Variants in SPATA17 observed in about 807,000 individuals in gnomAD.
SPATA17 encodes spermatogenesis-associated protein 17.
A neutral mutation model predicts 62.2 loss-of-function variants in SPATA17; 53 were observed. The observed-to-expected ratio is 0.85, with a 90% CI of 0.68 to 1.07. The LOEUF (loss-of-function observed/expected upper bound fraction) is 1.07. SPATA17 is among the 50% of genes least tolerant of loss of function. SPATA17 has a pLI of 0.00. For synonymous variants in SPATA17, 146 were observed against 146.8 expected (o/e 0.99, Z 0.04); for missense variants, 466 against 425.5 (o/e 1.10, Z -0.84).
intron 9 of SPATA17, among the ~76,000 whole-genome samples, chr1:217,834,814 T>A (rs1356676354): frequency 6.6e-6 from 1 of 152,190 alleles, no homozygotes; most frequent in Non-Finnish European, 1.5e-5. Flanking sequence ...GTTAACGTCC[T>A]AGGCCTTCAC....
At chr1:217,840,249 T>G (rs894694420) in intron 9 of SPATA17, among the ~76,000 whole-genome samples, 2 of 152,142 alleles carry the variant, frequency 1.3e-5, no homozygotes, top group Non-Finnish European at 2.9e-5. Flanking sequence ...GCTGTTTCCT[T>G]TGGAGTCAGG....
intron 4 of SPATA17, among the ~76,000 whole-genome samples, chr1:217,672,143 C>A (rs1270110539): frequency 6.6e-6 from 1 of 152,122 alleles, no homozygotes; most frequent in Non-Finnish European, 1.5e-5. Context: ...GCCAAAGAGA[C>A]CAGTGTGTGG....
chr1:217,743,914 T>C (rs1284855408), intron 6 of SPATA17, among the ~76,000 whole-genome samples: 1 of 152,082 alleles, frequency 6.6e-6, no homozygotes, highest in African/African-American at 2.4e-5. Context: ...TGGCCTAAAA[T>C]AGTGAAATCA....
In SPATA17 at chr1:217,654,866, C is replaced by T. The variant is rs1670403510; in HGVS notation, c.240+3688C>T. ...TAGCTGGGACTACAGGCACGTGCCA[C>T]CACGCCCGGCTAATTTTTGTATTTT... On this transcript the variant is annotated intron_variant, in intron 3 of 10. Transcript: ENST00000366933. Among the ~76,000 whole-genome samples the T allele has an allele frequency of 4.6e-5, 7 of 151,982 alleles. No homozygotes were observed. The South Asian group carries it at 1.5e-3, about 32-fold the overall frequency.
intron 7 of SPATA17, among the ~76,000 whole-genome samples, chr1:217,779,838 T>C (rs1558047681): frequency 6.6e-6 from 1 of 152,152 alleles, no homozygotes; most frequent in Non-Finnish European, 1.5e-5. Context: ...AGGACAATTT[T>C]ATGGTTTTAA....
Position 217,774,350 on chromosome 1 carries a change from A to G in SPATA17, c.536A>G (p.Asn179Ser), listed in dbSNP as rs774693864. 6 of 1,613,880 alleles carry G rather than the reference A, an allele frequency of 3.7e-6. No individual in the cohort carries two copies. The South Asian group carries it at 6.6e-5, about 18-fold the overall frequency. ...LSTKQIPGIYNSPFRKEPDPW... is the reference protein window; with the variant it reads ...LSTKQIPGIYSSPFRKEPDPW... ...CTTCTTTAGATTCCAGGAATATACA[A>G]TTCACCCTTCAGAAAAGAGCCTGAT... The change falls in exon 7 of 11, where the codon AAT becomes AGT. Residue 179 changes from asparagine (N) to serine (S), a missense_variant. Coordinates refer to ENST00000366933, the MANE Select transcript of SPATA17 (RefSeq NM_138796.4).
chr1:217,637,459 T>A (rs745595693), intron 1 of SPATA17, among the ~76,000 whole-genome samples: 2 of 152,140 alleles, frequency 1.3e-5, no homozygotes, highest in Non-Finnish European at 2.9e-5. Flanking sequence ...AAAGCAGGGG[T>A]ACATTACTCT....
rs1000818744 is a variant in SPATA17 at position 217,871,584 on chromosome 1, T to G, written c.*4565T>G. The G allele has an allele frequency of 1.3e-5, 2 of 152,188 alleles. No homozygotes were observed. The highest frequency in any genetic ancestry group is 2.9e-5 in the Non-Finnish European group (2 of 68,030). 9.4% of individuals were successfully genotyped at this position (152,188 alleles called of 1,614,324 possible). On this transcript the variant is annotated 3_prime_UTR_variant, in exon 11 of 11. Transcript: ENST00000366933. The stretch of plus-strand genomic sequence containing the variant: ...AGTTACAGATTTTAATAAACCACTG[T>G]GCAAAGCATTAGGATAAATTTTTAT...
chr1:217,675,065 T>G lies in SPATA17; in HGVS notation c.291+5982T>G, dbSNP rs141806657. On this transcript the variant is annotated intron_variant, in intron 4 of 10. Coordinates refer to ENST00000366933, the MANE Select transcript of SPATA17 (RefSeq NM_138796.4). ...TCTGGTCTTTCAGCCCTCCAGCTGT[T>G]TTTGGCTTGAAGGTGGGGTTTCACT... Among the ~76,000 whole-genome samples, 53 of 152,278 alleles carry G rather than the reference T, an allele frequency of 3.5e-4. 1 individual carries two copies. In the East Asian group the frequency reaches 9.9e-3, roughly 28 times the overall value.
At position 217,794,570 on chromosome 1, in the gene SPATA17, T is replaced by C. The variant is rs547339001; in HGVS notation, c.873-7148T>C. On this transcript the variant is annotated intron_variant, in intron 8 of 10. Coordinates refer to ENST00000366933, the MANE Select transcript of SPATA17 (RefSeq NM_138796.4). ...CACAATATTCTAAAAATTAGATAAA[T>C]TGAAAAGTAATTAAAAATGGCAATT... Among the ~76,000 whole-genome samples the C allele has an allele frequency of 2.0e-4, 30 of 152,284 alleles. 1 individual carries two copies. In the South Asian group the frequency reaches 4.1e-3, roughly 21 times the overall value.
chr1:217,789,342 A>G (rs1389016279), intron 8 of SPATA17, among the ~76,000 whole-genome samples: 1 of 152,164 alleles, frequency 6.6e-6, no homozygotes, highest in Non-Finnish European at 1.5e-5. Flanking sequence ...TTTCTCTCAA[A>G]TTTGCAACCT....
At chr1:217,782,002 G>A (rs1290935089) in intron 7 of SPATA17, 172 bp from the exon 8 acceptor site, 4 of 508,970 alleles carry the variant, frequency 7.9e-6, no homozygotes, top group East Asian at 3.6e-5. Flanking sequence ...AACATTGCTT[G>A]AAAATAAGTG....
At chr1:217,828,007 G>T (rs1237959360) in intron 9 of SPATA17, among the ~76,000 whole-genome samples, 1 of 152,054 alleles carries the variant, frequency 6.6e-6, no homozygotes, top group Non-Finnish European at 1.5e-5. Context: ...TAACAAATGT[G>T]CACATTTGGC....
intron 1 of SPATA17, among the ~76,000 whole-genome samples, chr1:217,643,791 C>G (rs12062364): frequency 2.6e-5 from 4 of 151,426 alleles, no homozygotes; most frequent in Non-Finnish European, 4.4e-5. Context: ...TGCAATGGCA[C>G]GACCTCAGCT....
At chr1:217,865,432 A>T (rs1675989331) in intron 10 of SPATA17, among the ~76,000 whole-genome samples, 1 of 152,188 alleles carries the variant, frequency 6.6e-6, no homozygotes, top group South Asian at 2.1e-4. Flanking sequence ...ATGCTCTAAG[A>T]TTTAAACCAC....
At chr1:217,643,665 A>T (rs890720827) in intron 1 of SPATA17, among the ~76,000 whole-genome samples, 4 of 151,806 alleles carry the variant, frequency 2.6e-5, no homozygotes, top group African/African-American at 7.3e-5. Context: ...TCAGGAAATG[A>T]GGTAAAGAGA....
At chr1:217,712,809 T>G (rs1045257948) in intron 5 of SPATA17, among the ~76,000 whole-genome samples, 4 of 152,092 alleles carry the variant, frequency 2.6e-5, no homozygotes, top group Non-Finnish European at 5.9e-5. Flanking sequence ...TACAGAGGGC[T>G]CAGCAGGGGA....
intron 5 of SPATA17, among the ~76,000 whole-genome samples, chr1:217,684,396 C>A (rs556456672): frequency 4.7e-4 from 72 of 152,114 alleles, no homozygotes; most frequent in African/African-American, 1.7e-3. Context: ...CTACATATAT[C>A]ATATATCATC....
chr1:217,736,857 G>C (rs1672518905), intron 5 of SPATA17, among the ~76,000 whole-genome samples: 1 of 152,116 alleles, frequency 6.6e-6, no homozygotes, highest in Admixed American at 6.5e-5. Flanking sequence ...ATTTGTGGTG[G>C]CAAATGCAAA....
Sources: gnomAD v4.1 joint callset for allele counts (sites outside exome capture counted in the v4.1 genomes callset) on GRCh38, gnomAD v4.1.1 for gene constraint, MANE v1.5 for transcripts, NCBI Gene and HGNC (gene_info 2026-07-23, HGNC 2026-07-21) for gene names.